CSMD3: variants seen among roughly 807,000 people sequenced by gnomAD.
CSMD3 encodes CUB and Sushi multiple domains 3.
In CSMD3, 177 loss-of-function variants were observed where a neutral mutation model predicts 435.2. The ratio of observed to expected loss-of-function variants is 0.41; its 90% CI spans 0.36 to 0.46. The LOEUF is 0.46. Ranked by LOEUF, CSMD3 falls within the 20% of genes least tolerant of loss-of-function variation. CSMD3 has a pLI of 0.34. For missense variants in CSMD3, 4,265 were observed against 4,504.6 expected (o/e 0.95, Z 1.52); for synonymous variants, 1,656 against 1,520.5 (o/e 1.09, Z -2.07).
chr8:112,358,650 A>G (rs181203944), intron 38 of CSMD3, among the ~76,000 whole-genome samples: 7 of 152,302 alleles, frequency 4.6e-5, no homozygotes, highest in African/African-American at 1.2e-4. Context: ...GCTATCATCT[A>G]TGTAAGACGT....
At chr8:113,071,929 G>A (rs2089139404) in intron 5 of CSMD3, among the ~76,000 whole-genome samples, 1 of 151,754 alleles carries the variant, frequency 6.6e-6, no homozygotes, top group African/African-American at 2.4e-5. Context: ...AATATTTGCT[G>A]TTTCAATTCA....
At chr8:112,468,226 C>T (rs1818149412) in intron 32 of CSMD3, among the ~76,000 whole-genome samples, 2 of 143,856 alleles carry the variant, frequency 1.4e-5, no homozygotes, top group Admixed American at 7.1e-5. Context: ...CCTCCAATTG[C>T]CTAAAGTATT....
intron 10 of CSMD3, among the ~76,000 whole-genome samples, chr8:112,917,754 A>G (rs1564102248): frequency 6.6e-6 from 1 of 151,988 alleles, no homozygotes; most frequent in Non-Finnish European, 1.5e-5. Flanking sequence ...ATGGAAGTTT[A>G]GGAGTGCTTC....
intron 5 of CSMD3, among the ~76,000 whole-genome samples, chr8:113,069,887 C>A (rs937043804): frequency 6.6e-6 from 1 of 152,044 alleles, no homozygotes; most frequent in Non-Finnish European, 1.5e-5. Context: ...GACAAAATAG[C>A]AACAGTCTAG....
At chr8:112,435,606 A>G (rs1374661499) in intron 32 of CSMD3, among the ~76,000 whole-genome samples, 1 of 152,054 alleles carries the variant, frequency 6.6e-6, no homozygotes, top group Non-Finnish European at 1.5e-5. Context: ...AAACTAATGA[A>G]CTTGGGTATG....
At chr8:113,061,238 G>A (rs1421607283) in intron 5 of CSMD3, among the ~76,000 whole-genome samples, 4 of 152,104 alleles carry the variant, frequency 2.6e-5, no homozygotes, top group Admixed American at 2.6e-4. Context: ...GTTTTGGAAG[G>A]TATGCAGTCC....
chr8:112,475,879 T>C (rs1818995515), intron 31 of CSMD3, among the ~76,000 whole-genome samples: 1 of 152,180 alleles, frequency 6.6e-6, no homozygotes, highest in African/African-American at 2.4e-5. Context: ...TCTATTCTTA[T>C]TTTTGCTATT....
intron 32 of CSMD3, among the ~76,000 whole-genome samples, chr8:112,418,505 T>G (rs764382167): frequency 6.6e-6 from 1 of 152,164 alleles, no homozygotes; most frequent in Non-Finnish European, 1.5e-5. Context: ...AAATTTGCAT[T>G]TTGGGATCAT....
chr8:112,847,948 T>C (rs2080374201), intron 11 of CSMD3, among the ~76,000 whole-genome samples: 1 of 152,156 alleles, frequency 6.6e-6, no homozygotes, highest in African/African-American at 2.4e-5. Context: ...TTTCACAGTT[T>C]AATAATTTTA....
intron 5 of CSMD3, among the ~76,000 whole-genome samples, chr8:113,030,824 A>C (rs2087077386): frequency 1.3e-5 from 2 of 151,564 alleles, no homozygotes; most frequent in Admixed American, 1.3e-4. Context: ...TGCAACTGTT[A>C]AAAAGAAAAA....
intron 32 of CSMD3, among the ~76,000 whole-genome samples, chr8:112,427,589 T>A (rs1241362595): frequency 3.9e-5 from 6 of 152,140 alleles, no homozygotes; most frequent in Non-Finnish European, 8.8e-5. Flanking sequence ...AAGTCTTGGG[T>A]ATTTCCTTAC....
chr8:112,995,688 A>G (rs2085623997), intron 6 of CSMD3, among the ~76,000 whole-genome samples: 2 of 151,490 alleles, frequency 1.3e-5, no homozygotes, highest in Non-Finnish European at 3.0e-5. Context: ...AACTAGTCAA[A>G]AGAAAAAGGG....
At chr8:112,422,173 C>A (rs545786025) in intron 32 of CSMD3, among the ~76,000 whole-genome samples, 57 of 151,942 alleles carry the variant, frequency 3.8e-4, no homozygotes, top group African/African-American at 1.4e-3. Flanking sequence ...GATAAAGAAG[C>A]AGAACTGAAA....
chr8:113,048,329 G>T (rs1209331672), intron 5 of CSMD3, among the ~76,000 whole-genome samples: 1 of 152,082 alleles, frequency 6.6e-6, no homozygotes, highest in Non-Finnish European at 1.5e-5. Context: ...TCCTGACCAT[G>T]TGATCCGCCC....
intron 4 of CSMD3, among the ~76,000 whole-genome samples, chr8:113,129,473 G>T (rs1195986627): frequency 2.6e-5 from 4 of 152,220 alleles, no homozygotes; most frequent in African/African-American, 9.6e-5. Context: ...AGGAAATTTA[G>T]TTCACCTTAT....
chr8:113,354,522 T>G (rs1326578201), intron 1 of CSMD3, among the ~76,000 whole-genome samples: 1 of 152,204 alleles, frequency 6.6e-6, no homozygotes, highest in Non-Finnish European at 1.5e-5. Context: ...TGATATAAAA[T>G]GATCTTGCTA....
intron 17 of CSMD3, among the ~76,000 whole-genome samples, chr8:112,659,014 G>T (rs2075318162): frequency 6.6e-6 from 1 of 152,106 alleles, no homozygotes; most frequent in South Asian, 2.1e-4. Flanking sequence ...TCAGTCTACT[G>T]TGAATATTGA....
At chr8:113,373,692 T>C (rs1413110628) in intron 1 of CSMD3, among the ~76,000 whole-genome samples, 1 of 152,148 alleles carries the variant, frequency 6.6e-6, no homozygotes, top group African/African-American at 2.4e-5. Flanking sequence ...CCTTAGAATT[T>C]GTCACTTTTG....
intron 34 of CSMD3, among the ~76,000 whole-genome samples, chr8:112,407,492 G>C (rs1831960864): frequency 6.6e-6 from 1 of 151,940 alleles, no homozygotes; most frequent in South Asian, 2.1e-4. Context: ...ATTCTAAATA[G>C]ATTAATTCTT....
Sources: gnomAD v4.1 joint callset for allele counts (sites outside exome capture counted in the v4.1 genomes callset) on GRCh38, gnomAD v4.1.1 for gene constraint, MANE v1.5 for transcripts, NCBI Gene and HGNC (gene_info 2026-07-23, HGNC 2026-07-21) for gene names.